Variants in CELA1 observed in about 807,000 individuals in gnomAD.
The protein encoded by CELA1 is chymotrypsin like elastase 1.
A neutral mutation model predicts 34.8 loss-of-function variants in CELA1; 28 were observed. The ratio of observed to expected loss-of-function variants is 0.80; its 90% CI spans 0.60 to 1.10. The LOEUF is 1.10. Ranked by LOEUF, CELA1 falls within the 50% of genes least tolerant of loss-of-function variation. The pLI is 0.00. For missense variants in CELA1, 288 were observed against 327.5 expected, an observed-to-expected ratio of 0.88 and a Z score of 0.93; for synonymous variants, 140 against 129.8, an observed-to-expected ratio of 1.08 and a Z score of -0.53.
Position 51,341,364 on chromosome 12 carries a change from G to A in CELA1, c.343C>T (p.Leu115=). The A allele has an allele frequency of 6.2e-7, 1 of 1,614,174 alleles. No individual in the cohort carries two copies. Among genetic ancestry groups the A allele is most frequent in the Non-Finnish European group, 8.5e-7 (1 of 1,180,026 alleles). ...AGGGTAACGCTCTGGGCCAGGCGCA[G>A]CAGGGCGATGTCATAGCTGCAGGAG... is the stretch of plus-strand genomic sequence containing the variant. ...NVAAGYDIAL[L]RLAQSVTLNS... The change falls in exon 5 of 8, where the codon CTG becomes TTG. Residue 115 remains leucine (L), a synonymous_variant. Transcript: ENST00000293636.
intron 6 of CELA1, among the ~76,000 whole-genome samples, chr12:51,331,695 G>A (rs1946470672): frequency 6.6e-6 from 1 of 152,138 alleles, no homozygotes; most frequent in Non-Finnish European, 1.5e-5. Context: ...GAGTTTCCGG[G>A]AAAACCCACC....
At chr12:51,341,606 G>A (rs1946535777) in intron 4 of CELA1, among the ~76,000 whole-genome samples, 3 of 152,176 alleles carry the variant, frequency 2.0e-5, no homozygotes, top group Admixed American at 6.6e-5. Context: ...TGGTATTGCA[G>A]CCTAGCTCTG....
chr12:51,333,046 C>T (rs1010632965), intron 6 of CELA1, among the ~76,000 whole-genome samples: 1 of 151,852 alleles, frequency 6.6e-6, no homozygotes, highest in Non-Finnish European at 1.5e-5. Flanking sequence ...TCTCCTGCCT[C>T]AGCCGCCTGA....
At position 51,340,111 on chromosome 12, in the gene CELA1, G is replaced by A. The variant is rs567263165; in HGVS notation, c.464-106C>T. On this transcript the variant is annotated intron_variant, in intron 5 of 7. Transcript: ENST00000293636. ...AAACTCTCGTGAAAGCTGAGCTCAGGGCAAACTCCTTCTCTCTCCCTGTTG... is the reference window on the plus strand; with the variant it reads ...AAACTCTCGTGAAAGCTGAGCTCAGAGCAAACTCCTTCTCTCTCCCTGTTG... 4 of 985,050 alleles carry A rather than the reference G, an allele frequency of 4.1e-6. No individual in the cohort carries two copies. The African/African-American group carries it at 6.5e-5, about 16-fold the overall frequency. The allele number at this position is 985,050 out of a possible 1,614,324, so 61.0% of individuals were successfully genotyped here. A position where few individuals can be genotyped will look rare whatever the true frequency, so the allele number is the denominator to read the frequency against.
rs528555232 is a variant in CELA1 at position 51,339,991 on chromosome 12, C to T, written c.478G>A (p.Ala160Thr). The change falls in exon 6 of 8, where the codon GCC becomes ACC. Residue 160 changes from alanine to threonine, a missense_variant. By Grantham distance (58) the Ala-to-Thr change is moderately conservative. Transcript: ENST00000293636. ...WGKTKTNGQL[A>T]QTLQQAYLPS... ...AGGTAAGCCTGCTGCAGGGTCTGGG[C>T]CAGCTGCCCATTGGCTGAACAGGAC... 1.2e-4 allele frequency: 194 copies of T among 1,613,472 alleles called. 2 individuals are homozygous for T. The South Asian group carries it at 2.0e-3, about 16-fold the overall frequency.
At chr12:51,336,869 A>G (rs1443861952) in intron 6 of CELA1, among the ~76,000 whole-genome samples, 1 of 152,162 alleles carries the variant, frequency 6.6e-6, no homozygotes, top group Admixed American at 6.5e-5. Context: ...CAGGCCCTCA[A>G]ATTTCTTGCT....
At chr12:51,329,253 C>CAAAA (rs71089791) in intron 7 of CELA1, among the ~76,000 whole-genome samples, 1 of 102,126 alleles carries the variant, frequency 9.8e-6, no homozygotes, top group African/African-American at 3.9e-5. Flanking sequence ...GACTCTGTCT[C>CAAAA]AAAAAAAAAA....
intron 6 of CELA1, among the ~76,000 whole-genome samples, chr12:51,338,700 G>T (rs1592297347): frequency 6.6e-6 from 1 of 152,268 alleles, no homozygotes; most frequent in East Asian, 1.9e-4. Context: ...ATGTTCTATT[G>T]TATGTCTGTG....
chr12:51,339,942 C>G lies in CELA1; in HGVS notation c.527G>C (p.Cys176Ser). 1 of 1,614,158 alleles carries G rather than the reference C, an allele frequency of 6.2e-7. No individual in the cohort carries two copies. The highest frequency in any genetic ancestry group is 8.5e-7 in the Non-Finnish European group (1 of 1,180,006). ...GGAGCCCCAGTAGGAGGAGCTGGAG[C>G]AGATGGCGTAGTCCACAGAGGGCAG... The part of the protein sequence containing the change: ...AYLPSVDYAI[C>S]SSSSYWGSTV... Residue 176 changes from cysteine to serine, a missense_variant, in exon 6 of 8, where the codon TGC (cysteine) becomes TCC (serine). Coordinates refer to ENST00000293636, the MANE Select transcript of CELA1 (RefSeq NM_001971.6).
At chr12:51,335,279 CGG>C (rs1946494089) in intron 6 of CELA1, among the ~76,000 whole-genome samples, 2 of 152,092 alleles carry the variant, frequency 1.3e-5, no homozygotes, top group Non-Finnish European at 2.9e-5. Context: ...TTTTTTGAGA[CGG>C]AGTCTCACTC....
At chr12:51,338,893 C>G (rs762678440) in intron 6 of CELA1, among the ~76,000 whole-genome samples, 1 of 151,884 alleles carries the variant, frequency 6.6e-6, no homozygotes, top group Non-Finnish European at 1.5e-5. Context: ...GGGAGGATCA[C>G]TTGAGCCCTG....
Position 51,343,784 on chromosome 12 carries a change from A to G in CELA1, c.169T>C (p.Trp57Arg), listed in dbSNP as rs1183780953. Residue 57 changes from tryptophan (W) to arginine (R), a missense_variant, in exon 3 of 8, where the codon TGG becomes CGG. Transcript: ENST00000293636. ...ACGCAGTGAGCAGCTGTCATCACCC[A>G]GTTCTGTCTGATAAGGGTCCCTCCA... The part of the protein sequence containing the change: ...TCGGTLIRQN[W>R]VMTAAHCVDY... 3 of 1,610,388 alleles carry G rather than the reference A, an allele frequency of 1.9e-6. No individual in the cohort carries two copies. The highest frequency in any genetic ancestry group is 2.5e-6 in the Non-Finnish European group (3 of 1,177,144).
intron 6 of CELA1, among the ~76,000 whole-genome samples, chr12:51,333,092 G>A (rs966001248): frequency 7.3e-5 from 9 of 123,282 alleles, no homozygotes; most frequent in African/African-American, 2.0e-4. Context: ...CCCACTCCCC[G>A]TTAATTTTTT....
At chr12:51,336,004 G>C (rs1477557352) in intron 6 of CELA1, among the ~76,000 whole-genome samples, 1 of 152,076 alleles carries the variant, frequency 6.6e-6, no homozygotes, top group Non-Finnish European at 1.5e-5. Flanking sequence ...CCACTCCACT[G>C]AAACTGCTCT....
chr12:51,346,548 C>T, intron 1 of CELA1, 75 bp downstream of exon 1: 3 of 1,411,436 alleles, frequency 2.1e-6, no homozygotes, highest in Non-Finnish European at 3.0e-6. Flanking sequence ...CCAAGTCCCC[C>T]TCCCTATAGA....
At chr12:51,338,255 T>TAC (rs758082342) in intron 6 of CELA1, among the ~76,000 whole-genome samples, 10,292 of 116,702 alleles carry the variant, frequency 0.088, 541 homozygotes, top group African/African-American at 0.15. Context: ...AAAAAAAACA[T>TAC]ACACACACAC....
intron 6 of CELA1, among the ~76,000 whole-genome samples, chr12:51,335,549 C>T (rs954801171): frequency 2.6e-5 from 4 of 151,932 alleles, no homozygotes; most frequent in Non-Finnish European, 4.4e-5. Flanking sequence ...CCACCGCGCC[C>T]GGCCAATTTT....
At chr12:51,331,995 G>T (rs901985592) in intron 6 of CELA1, among the ~76,000 whole-genome samples, 3 of 151,762 alleles carry the variant, frequency 2.0e-5, no homozygotes, top group African/African-American at 4.8e-5. Context: ...CCAGCCTGGG[G>T]TACAAACCGA....
intron 6 of CELA1, among the ~76,000 whole-genome samples, chr12:51,332,969 G>A (rs151199044): frequency 9.2e-5 from 14 of 152,222 alleles, no homozygotes; most frequent in East Asian, 7.7e-4. Flanking sequence ...TCGCTCTGTC[G>A]TCCAGGCTGG....
Sources: allele counts gnomAD v4.1 joint callset (sites outside exome capture counted in the v4.1 genomes callset), GRCh38; gene constraint gnomAD v4.1.1; transcripts MANE v1.5; gene names NCBI Gene and HGNC (gene_info 2026-07-23, HGNC 2026-07-21).